RBFOX1: variants seen among roughly 807,000 people sequenced by gnomAD.
RBFOX1 encodes the protein RNA binding protein fox-1 homolog 1.
Under a neutral mutation model 57.7 loss-of-function variants are expected in RBFOX1, and 8 were observed. The ratio of observed to expected loss-of-function variants is 0.14; its 90% CI spans 0.08 to 0.25. The LOEUF (loss-of-function observed/expected upper bound fraction) is 0.25, where lower values mean the gene tolerates loss of function less well. Ranked by LOEUF, RBFOX1 falls within the 10% of genes least tolerant of loss-of-function variation. RBFOX1 has a pLI of 1.00. For missense variants in RBFOX1, 611 were observed against 548.5 expected (o/e 1.11, Z -1.14); for synonymous variants, 326 against 222.4 (o/e 1.47, Z -4.15).
At chr16:6,121,234 A>T (rs1459360388) in intron 1 of RBFOX1, among the ~76,000 whole-genome samples, 1 of 152,168 alleles carries the variant, frequency 6.6e-6, no homozygotes, top group African/African-American at 2.4e-5. Context: ...AGAGCTGGTC[A>T]AAACATGAGA....
At chr16:7,034,572 T>C (rs937366132) in intron 3 of RBFOX1, among the ~76,000 whole-genome samples, 1 of 152,062 alleles carries the variant, frequency 6.6e-6, no homozygotes, top group Non-Finnish European at 1.5e-5. Context: ...CTTGAAATTT[T>C]AACTTCTGTG....
In RBFOX1 at chr16:6,199,930, A is replaced by G. The variant is rs2152827583; in HGVS notation, c.-126-117065A>G. Reference sequence around the variant, plus strand: ...CTGGACTGTGCGAACACTCATGAGCACAGCCAGAAACTACAGCTGGATGTT... The same window carrying G: ...CTGGACTGTGCGAACACTCATGAGCGCAGCCAGAAACTACAGCTGGATGTT... On this transcript the variant is annotated intron_variant, in intron 1 of 15. Transcript: ENST00000550418. Among the ~76,000 whole-genome samples, 2 of 152,334 alleles carry G rather than the reference A, an allele frequency of 1.3e-5. 1 individual carries two copies. The highest frequency in any genetic ancestry group is 4.1e-4 in the South Asian group (2 of 4,822).
chr16:5,644,161 C>T (rs1049222230), intron 3 of RBFOX1, among the ~76,000 whole-genome samples: 1 of 152,126 alleles, frequency 6.6e-6, no homozygotes, highest in African/African-American at 2.4e-5. Flanking sequence ...CGCGTCTTTC[C>T]ATAAGGTATA....
At chr16:6,915,552 T>C (rs1281255546) in intron 3 of RBFOX1, among the ~76,000 whole-genome samples, 46 of 9,890 alleles carry the variant, frequency 4.7e-3, no homozygotes, top group African/African-American at 8.6e-3. Context: ...ACACCCCCCT[T>C]TTTTTTTTTT....
At chr16:5,570,033 C>G (rs534127060) in intron 2 of RBFOX1, among the ~76,000 whole-genome samples, 1 of 152,298 alleles carries the variant, frequency 6.6e-6, no homozygotes, top group Non-Finnish European at 1.5e-5. Context: ...TTCGTGGCAA[C>G]AACACCCAGT....
intron 4 of RBFOX1, among the ~76,000 whole-genome samples, chr16:5,936,488 G>C (rs2059171274): frequency 6.6e-6 from 1 of 152,188 alleles, no homozygotes; most frequent in Non-Finnish European, 1.5e-5. Flanking sequence ...GGAGTCCTGT[G>C]TGAGCCAAGT....
At chr16:5,770,761 C>A (rs76753575) in intron 3 of RBFOX1, among the ~76,000 whole-genome samples, 2,079 of 152,304 alleles carry the variant, frequency 0.014, 57 homozygotes, top group African/African-American at 0.047. Context: ...ACCTAATGTA[C>A]AATGAACTGG....
chr16:7,535,816 C>T (rs1321681016), intron 5 of RBFOX1, among the ~76,000 whole-genome samples: 1 of 152,240 alleles, frequency 6.6e-6, no homozygotes, highest in African/African-American at 2.4e-5. Context: ...GAGGGTACCA[C>T]TGTGCCTTAT....
intron 4 of RBFOX1, among the ~76,000 whole-genome samples, chr16:7,135,983 C>T (rs369751961): frequency 6.6e-6 from 1 of 152,184 alleles, no homozygotes; most frequent in Admixed American, 6.5e-5. Flanking sequence ...TCATTTTTGC[C>T]TAGGTGCTCT....
intron 1 of RBFOX1, among the ~76,000 whole-genome samples, chr16:5,453,208 TTA>T (rs2068481641): frequency 6.6e-6 from 1 of 152,220 alleles, no homozygotes; most frequent in South Asian, 2.1e-4. Context: ...AGAGCTGAGT[TTA>T]TAGTGAGGAA....
chr16:5,952,349 C>T (rs1381731589), intron 4 of RBFOX1, among the ~76,000 whole-genome samples: 1 of 152,012 alleles, frequency 6.6e-6, no homozygotes, highest in Non-Finnish European at 1.5e-5. Context: ...TGGGGTTTCA[C>T]CATGTTGACC....
intron 3 of RBFOX1, among the ~76,000 whole-genome samples, chr16:6,961,573 C>G (rs974151865): frequency 6.6e-6 from 1 of 152,128 alleles, no homozygotes; most frequent in Non-Finnish European, 1.5e-5. Context: ...AATGGCTACT[C>G]CATAGGCAGA....
chr16:6,563,569 T>C (rs1211532983), intron 2 of RBFOX1, among the ~76,000 whole-genome samples: 1 of 151,990 alleles, frequency 6.6e-6, no homozygotes, highest in Non-Finnish European at 1.5e-5. Flanking sequence ...GATGGCTGGG[T>C]GTGGTGGCTC....
intron 1 of RBFOX1, among the ~76,000 whole-genome samples, chr16:5,391,375 C>A (rs116691593): frequency 4.1e-4 from 63 of 152,200 alleles, no homozygotes; most frequent in African/African-American, 1.5e-3. Context: ...CTTTGAGAGG[C>A]TGCCTGCATT....
chr16:7,671,405 C>G (rs988812246), intron 13 of RBFOX1: 4 of 645,262 alleles, frequency 6.2e-6, no homozygotes, highest in Non-Finnish European at 1.1e-5. Context: ...GCCCAGTGCC[C>G]CTTTCAGCTT....
At chr16:6,351,323 CGTGTGT>C (rs71406370) in intron 2 of RBFOX1, among the ~76,000 whole-genome samples, 1,641 of 112,808 alleles carry the variant, frequency 0.015, 37 homozygotes, top group African/African-American at 0.04. Context: ...ATATATATAA[CGTGTGT>C]GTGTGTGTGT....
chr16:7,185,869 G>C (rs981891161), intron 4 of RBFOX1, among the ~76,000 whole-genome samples: 13 of 152,126 alleles, frequency 8.5e-5, no homozygotes, highest in African/African-American at 2.9e-4. Flanking sequence ...TTTATCCCTA[G>C]ATAACAACAA....
At chr16:7,277,286 A>G (rs2095458913) in intron 4 of RBFOX1, among the ~76,000 whole-genome samples, 1 of 152,198 alleles carries the variant, frequency 6.6e-6, no homozygotes, top group Non-Finnish European at 1.5e-5. Context: ...AAATATCATG[A>G]TATTCTACTG....
chr16:5,422,539 G>A (rs1291028775), intron 1 of RBFOX1, among the ~76,000 whole-genome samples: 2 of 86,410 alleles, frequency 2.3e-5, no homozygotes. Flanking sequence ...GGGCGCATGA[G>A]GGGGGCAGGG....
Sources: allele counts gnomAD v4.1 joint callset (sites outside exome capture counted in the v4.1 genomes callset), GRCh38; gene constraint gnomAD v4.1.1; transcripts MANE v1.5; gene names NCBI Gene and HGNC (gene_info 2026-07-23, HGNC 2026-07-21).